The following CSGALNACT1 variants were observed in gnomAD, a reference collection of about 807,000 sequenced individuals.
CSGALNACT1 encodes beta4GalNAcT-1.
A neutral mutation model predicts 51.0 loss-of-function variants in CSGALNACT1; 52 were observed. That is an observed-to-expected ratio of 1.02 (90% confidence interval 0.82 to 1.29). CSGALNACT1 has a LOEUF of 1.29. CSGALNACT1 is among the 50% of genes most tolerant of loss of function. CSGALNACT1 has a pLI of 0.00. For missense variants in CSGALNACT1, 935 were observed against 679.2 expected (o/e 1.38, Z -4.19); for synonymous variants, 341 against 254.4 (o/e 1.34, Z -3.24).
intron 3 of CSGALNACT1, among the ~76,000 whole-genome samples, chr8:19,525,128 T>G (rs954733569): frequency 4.6e-5 from 7 of 152,338 alleles, no homozygotes; most frequent in African/African-American, 1.7e-4. Flanking sequence ...TTGTGTTCTT[T>G]GTCCAATATA....
intron 1 of CSGALNACT1, among the ~76,000 whole-genome samples, chr8:19,726,974 T>A (rs57669168): frequency 0.031 from 4,773 of 152,236 alleles, 255 homozygotes; most frequent in African/African-American, 0.11. Context: ...CATACAGAGT[T>A]ACTAGTCAAG....
At chr8:19,577,836 G>C (rs1489079239) in intron 3 of CSGALNACT1, among the ~76,000 whole-genome samples, 2 of 152,176 alleles carry the variant, frequency 1.3e-5, no homozygotes, top group Non-Finnish European at 2.9e-5. Context: ...AGGCGGCTGA[G>C]ATGCCTCCCA....
At chr8:19,751,967 T>C (rs1408418456) in intron 1 of CSGALNACT1, among the ~76,000 whole-genome samples, 3 of 151,524 alleles carry the variant, frequency 2.0e-5, no homozygotes, top group East Asian at 1.9e-4. Context: ...AACAGACTAA[T>C]ACATGTGTAT....
At chr8:19,418,612 A>G in intron 8 of CSGALNACT1, 44 bp downstream of exon 7, 1 of 1,289,866 alleles carries the variant, frequency 7.8e-7, no homozygotes, top group Non-Finnish European at 1.1e-6. Flanking sequence ...AATGACAGAC[A>G]CTAAACAGAG....
chr8:19,711,529 G>T (rs536840831), intron 1 of CSGALNACT1, among the ~76,000 whole-genome samples: 8 of 152,256 alleles, frequency 5.3e-5, no homozygotes, highest in Non-Finnish European at 1.0e-4. Context: ...TTATATGGAA[G>T]CTTTTACAGT....
At chr8:19,444,556 A>C (rs2061816680) in intron 5 of CSGALNACT1, among the ~76,000 whole-genome samples, 1 of 152,122 alleles carries the variant, frequency 6.6e-6, no homozygotes, top group African/African-American at 2.4e-5. Context: ...GGTTTCTTTT[A>C]TCTCAGTGTT....
chr8:19,666,813 G>A (rs745448492), intron 1 of CSGALNACT1, among the ~76,000 whole-genome samples: 2,064 of 23,258 alleles, frequency 0.089, 87 homozygotes, highest in Middle Eastern at 0.18. Context: ...GAAAGAAAGA[G>A]AGAGAGAGAG....
At chr8:19,487,506 A>G (rs2073253277) in intron 4 of CSGALNACT1, among the ~76,000 whole-genome samples, 1 of 152,192 alleles carries the variant, frequency 6.6e-6, no homozygotes, top group African/African-American at 2.4e-5. Context: ...CTGACAAACT[A>G]GAATCTAATC....
intron 1 of CSGALNACT1, among the ~76,000 whole-genome samples, chr8:19,732,952 C>T (rs1589746124): frequency 6.6e-6 from 1 of 152,000 alleles, no homozygotes; most frequent in Non-Finnish European, 1.5e-5. Flanking sequence ...ATTTATTTTG[C>T]AATACAAAGG....
intron 3 of CSGALNACT1, among the ~76,000 whole-genome samples, chr8:19,580,348 C>T (rs910666591): frequency 6.6e-6 from 1 of 152,220 alleles, no homozygotes; most frequent in African/African-American, 2.4e-5. Context: ...GCTAAGCTGA[C>T]TTTATGACCA....
At chr8:19,410,448 C>G (rs2055412399) in intron 8 of CSGALNACT1, among the ~76,000 whole-genome samples, 1 of 152,164 alleles carries the variant, frequency 6.6e-6, no homozygotes, top group African/African-American at 2.4e-5. Flanking sequence ...GCAACCTAGA[C>G]AAGTTCCCTA....
At chr8:19,716,638 A>AAAAAG in intron 1 of CSGALNACT1, among the ~76,000 whole-genome samples, 1 of 147,622 alleles carries the variant, frequency 6.8e-6, no homozygotes, top group Non-Finnish European at 1.5e-5. Context: ...AAAAAAAAAA[A>AAAAAG]AAAATTAGCC....
intron 4 of CSGALNACT1, among the ~76,000 whole-genome samples, chr8:19,468,684 G>A (rs954312006): frequency 2.0e-5 from 3 of 152,104 alleles, no homozygotes; most frequent in Non-Finnish European, 2.9e-5. Flanking sequence ...GGCAGGTGAG[G>A]GAGAGGGAGA....
chr8:19,451,108 T>A (rs1026152941), intron 5 of CSGALNACT1, among the ~76,000 whole-genome samples: 1 of 152,144 alleles, frequency 6.6e-6, no homozygotes, highest in Non-Finnish European at 1.5e-5. Flanking sequence ...CTGAGGAATA[T>A]CATTTATTTG....
intron 3 of CSGALNACT1, among the ~76,000 whole-genome samples, chr8:19,512,217 G>A (rs994429851): frequency 6.6e-6 from 1 of 152,220 alleles, no homozygotes; most frequent in Non-Finnish European, 1.5e-5. Flanking sequence ...GCCCATGGAT[G>A]AGGAACTGAA....
intron 1 of CSGALNACT1, among the ~76,000 whole-genome samples, chr8:19,713,718 A>G (rs531382172): frequency 3.5e-4 from 54 of 152,300 alleles, no homozygotes; most frequent in Non-Finnish European, 1.6e-4. Flanking sequence ...AGGACCCCCT[A>G]TGGGTTTCAG....
intron 1 of CSGALNACT1, among the ~76,000 whole-genome samples, chr8:19,721,407 T>C (rs995221434): frequency 6.6e-6 from 1 of 152,166 alleles, no homozygotes; most frequent in African/African-American, 2.4e-5. Flanking sequence ...AAAAATATTT[T>C]ACCCAAAACA....
chr8:19,627,600 G>A (rs2054612456), intron 1 of CSGALNACT1, among the ~76,000 whole-genome samples: 1 of 152,150 alleles, frequency 6.6e-6, no homozygotes, highest in South Asian at 2.1e-4. Context: ...GAAGCAGAAG[G>A]ATCACTTGAG....
At chr8:19,707,601 G>C (rs1369402762) in intron 1 of CSGALNACT1, among the ~76,000 whole-genome samples, 1 of 151,766 alleles carries the variant, frequency 6.6e-6, no homozygotes, top group Non-Finnish European at 1.5e-5. Flanking sequence ...GGCCAATCAG[G>C]GTATTAAATC....
Sources: gnomAD v4.1 joint callset for allele counts (sites outside exome capture counted in the v4.1 genomes callset) on GRCh38, gnomAD v4.1.1 for gene constraint, MANE v1.5 for transcripts, NCBI Gene and HGNC (gene_info 2026-07-23, HGNC 2026-07-21) for gene names.